The following KIAA1671 variants were observed in gnomAD, a reference collection of about 807,000 sequenced individuals.
The protein encoded by KIAA1671 is KIAA1671, also known as uncharacterized protein KIAA1671.
In KIAA1671, 52 loss-of-function variants were observed where a neutral mutation model predicts 131.2. The observed-to-expected ratio is 0.40, with a 90% CI of 0.32 to 0.50. KIAA1671 has a LOEUF of 0.50. Among genes scored for constraint, KIAA1671 ranks in the 20% least tolerant of loss-of-function variants. The pLI, the probability that KIAA1671 is intolerant of heterozygous loss-of-function variation, is 0.73. For synonymous variants in KIAA1671, 1,003 were observed against 961.6 expected (o/e 1.04, Z -0.80); for missense variants, 2,360 against 2,364.2 (o/e 1.00, Z 0.04).
intron 5 of KIAA1671, among the ~76,000 whole-genome samples, chr22:25,046,663 T>A (rs1927250023): frequency 6.6e-6 from 1 of 152,246 alleles, no homozygotes; most frequent in Non-Finnish European, 1.5e-5. Context: ...ATTCCTTTTT[T>A]TCTTTTGAGG....
chr22:25,185,078 G>A lies in KIAA1671; in HGVS notation c.5301G>A (p.Leu1767=), dbSNP rs754294081. ...AGTCCCCCTTCCAGCCTGGGGTGCT[G>A]GGCAGTCGCGTGCTGCCTTCCAGCA... The part of the protein sequence containing the change: ...SPKSPFQPGV[L]GSRVLPSSMD... The change falls in exon 11 of 13, where the codon CTG becomes CTA. Residue 1767 remains leucine (L), a synonymous_variant. Transcript: ENST00000358431. 3.9e-6 allele frequency: 6 copies of A among 1,551,590 alleles called. No homozygotes were observed. The South Asian group carries it at 7.1e-5, about 18-fold the overall frequency.
intron 6 of KIAA1671, among the ~76,000 whole-genome samples, chr22:25,079,750 CT>C (rs1929304439): frequency 6.6e-6 from 1 of 152,168 alleles, no homozygotes; most frequent in East Asian, 1.9e-4. Flanking sequence ...CATGCCGGGC[CT>C]TGCAGTCACT....
chr22:24,972,463 T>C (rs1286950232), intron 1 of KIAA1671, among the ~76,000 whole-genome samples: 1 of 152,196 alleles, frequency 6.6e-6, no homozygotes, highest in Non-Finnish European at 1.5e-5. Flanking sequence ...CATGCACGCA[T>C]GCATGCATCC....
At chr22:24,970,855 T>C (rs1044915789) in intron 1 of KIAA1671, among the ~76,000 whole-genome samples, 1 of 152,186 alleles carries the variant, frequency 6.6e-6, no homozygotes, top group African/African-American at 2.4e-5. Context: ...AGTATATTTA[T>C]AACAGCACCA....
chr22:25,179,568 C>G lies in KIAA1671; in HGVS notation c.5074+2046C>G. Reference sequence around the variant, plus strand: ...TGCGCCTCCTGCGTTGGGAAGGGAACGGAGCCGCTTCCCCTGCCCAATGCG... The same window carrying G: ...TGCGCCTCCTGCGTTGGGAAGGGAAGGGAGCCGCTTCCCCTGCCCAATGCG... On this transcript the variant is annotated intron_variant, in intron 9 of 12. Coordinates refer to ENST00000358431, the MANE Select transcript of KIAA1671 (RefSeq NM_001145206.2). The G allele has an allele frequency of 2.0e-6, 3 of 1,502,410 alleles. No individual in the cohort carries two copies. In the South Asian group the frequency reaches 3.6e-5, roughly 18 times the overall value. The allele number at this position is 1,502,410 out of a possible 1,614,324, so 93.1% of individuals were successfully genotyped here.
chr22:25,047,058 C>T (rs1214913087), intron 5 of KIAA1671, among the ~76,000 whole-genome samples: 5 of 151,532 alleles, frequency 3.3e-5, no homozygotes, highest in African/African-American at 1.2e-4. Flanking sequence ...GCGGCCTCAA[C>T]CTCCTGGGCT....
chr22:25,148,253 A>G (rs1601357210), intron 6 of KIAA1671, among the ~76,000 whole-genome samples: 1 of 87,014 alleles, frequency 1.1e-5, no homozygotes, highest in African/African-American at 4.6e-5. Flanking sequence ...CCTCAGTCCC[A>G]GCCCTCCCAC....
At chr22:25,136,281 C>T (rs1327277427) in intron 6 of KIAA1671, among the ~76,000 whole-genome samples, 2 of 152,168 alleles carry the variant, frequency 1.3e-5, no homozygotes, top group Non-Finnish European at 1.5e-5. Context: ...ACACAATCAG[C>T]ATTATGATCC....
chr22:24,987,193 C>CAGAGTCTCGCCCTGTTGCCCAGGCT (rs1923598174), intron 1 of KIAA1671, among the ~76,000 whole-genome samples: 1 of 147,418 alleles, frequency 6.8e-6, no homozygotes, highest in African/African-American at 2.5e-5. Context: ...TTTTCTGAGA[C>CAGAGTCTCGCCCTGTTGCCCAGGCT]AGAGTCTCGC....
chr22:25,032,463 C>T (rs1023164975), intron 3 of KIAA1671, 146 bp from the exon 4 acceptor site: 2 of 503,692 alleles, frequency 4.0e-6, no homozygotes, highest in Admixed American at 3.0e-5. Flanking sequence ...GAGGTAGGCT[C>T]TCCCCACTGG....
intron 6 of KIAA1671, among the ~76,000 whole-genome samples, chr22:25,125,962 T>C (rs367560234): frequency 6.6e-6 from 1 of 152,256 alleles, no homozygotes; most frequent in African/African-American, 2.4e-5. Flanking sequence ...TAAAGCGTTT[T>C]TCTTTTGCTA....
In KIAA1671 at chr22:25,042,958, A is replaced by G. The variant is rs963251448; in HGVS notation, c.4395+1433A>G. On this transcript the variant is annotated intron_variant, in intron 5 of 12. Transcript: ENST00000358431. ...AAGGGACCTGGAGTATGTATTTTCC[A>G]ATCCCTCTGTCCTTGCCTGAGGCTG... Among the ~76,000 whole-genome samples, 9 of 152,222 alleles carry G rather than the reference A, an allele frequency of 5.9e-5. No individual in the cohort carries two copies. The East Asian group carries it at 1.7e-3, about 29-fold the overall frequency.
chr22:25,020,848 A>G (rs1205811261), intron 1 of KIAA1671, among the ~76,000 whole-genome samples: 2 of 152,188 alleles, frequency 1.3e-5, no homozygotes, highest in African/African-American at 4.8e-5. Context: ...GGGTGGTGTC[A>G]GTCATTATAA....
intron 11 of KIAA1671, among the ~76,000 whole-genome samples, chr22:25,186,882 C>T (rs1934492945): frequency 6.6e-6 from 1 of 152,238 alleles, no homozygotes; most frequent in Admixed American, 6.5e-5. Flanking sequence ...GCTCCAGAGT[C>T]AGTGGAGGGC....
intron 6 of KIAA1671, chr22:25,051,297 AC>A (rs1226642083): frequency 4.6e-5 from 7 of 152,142 alleles, no homozygotes; most frequent in African/African-American, 1.7e-4. Context: ...TCCTAGAGGG[AC>A]CTTTTAGTAT....
intron 1 of KIAA1671, among the ~76,000 whole-genome samples, chr22:24,960,093 C>T (rs988967706): frequency 1.3e-5 from 2 of 151,656 alleles, no homozygotes; most frequent in African/African-American, 4.9e-5. Context: ...GATCATACCA[C>T]TGCACTGCAG....
chr22:24,982,675 C>G (rs921706760), intron 1 of KIAA1671, among the ~76,000 whole-genome samples: 1 of 152,194 alleles, frequency 6.6e-6, no homozygotes, highest in Non-Finnish European at 1.5e-5. Flanking sequence ...GCCCCAGAAC[C>G]TCAGGAGGAC....
intron 6 of KIAA1671, chr22:25,112,474 A>T: frequency 2.5e-6 from 1 of 398,954 alleles, no homozygotes; most frequent in Non-Finnish European, 4.4e-6. Context: ...TAAGCTTATT[A>T]TGTTTTAAAA....
intron 6 of KIAA1671, among the ~76,000 whole-genome samples, chr22:25,156,785 T>C (rs868433957): frequency 2.0e-5 from 3 of 152,162 alleles, no homozygotes; most frequent in Non-Finnish European, 2.9e-5. Flanking sequence ...TTTGTGACAT[T>C]GGAATGTCAT....
Sources: gnomAD v4.1 joint callset for allele counts (sites outside exome capture counted in the v4.1 genomes callset) on GRCh38, gnomAD v4.1.1 for gene constraint, MANE v1.5 for transcripts, NCBI Gene and HGNC (gene_info 2026-07-23, HGNC 2026-07-21) for gene names.